The following PDE1A variants were observed in gnomAD, a reference collection of about 807,000 sequenced individuals.
PDE1A encodes the protein dual specificity calcium/calmodulin-dependent 3',5'-cyclic nucleotide phosphodiesterase 1A.
A neutral mutation model predicts 61.7 loss-of-function variants in PDE1A; 35 were observed. The ratio of observed to expected loss-of-function variants is 0.57; its 90% CI spans 0.43 to 0.75. The LOEUF is 0.75. Ranked by LOEUF, PDE1A falls within the 30% of genes least tolerant of loss-of-function variation. The pLI is 0.00. For synonymous variants in PDE1A, 232 were observed against 213.2 expected (o/e 1.09, Z -0.77); for missense variants, 597 against 630.6 (o/e 0.95, Z 0.57).
chr2:182,541,523 C>T, the PDE1A span, among the ~76,000 whole-genome samples: 1 of 152,094 alleles, frequency 6.6e-6, no homozygotes, highest in African/African-American at 2.4e-5. Flanking sequence ...AGAGGAAATA[C>T]ATGTAACATG....
chr2:182,230,944 T>C (rs925153133), intron 5 of PDE1A, 71 bp downstream of exon 5: 5 of 763,706 alleles, frequency 6.5e-6, no homozygotes, highest in Non-Finnish European at 1.1e-5. Flanking sequence ...ATTACTCAAA[T>C]GTTCTGCATT....
chr2:182,538,042 C>T, the PDE1A span, among the ~76,000 whole-genome samples: 2 of 152,158 alleles, frequency 1.3e-5, no homozygotes, highest in Admixed American at 1.3e-4. Flanking sequence ...TGATTTGGTC[C>T]AGCCACACTG....
chr2:182,156,297 G>C (rs547151483), intron 13 of PDE1A, among the ~76,000 whole-genome samples: 1 of 151,684 alleles, frequency 6.6e-6, no homozygotes, highest in African/African-American at 2.4e-5. Context: ...TGCTTACTGT[G>C]TACCAAGCAC....
intron 7 of PDE1A, among the ~76,000 whole-genome samples, chr2:182,214,538 C>G (rs1230764877): frequency 6.6e-6 from 1 of 151,782 alleles, no homozygotes; most frequent in East Asian, 1.9e-4. Context: ...TGCAGAGACA[C>G]ACATAGGCTC....
At chr2:182,187,991 C>T (rs1022891868) in intron 11 of PDE1A, among the ~76,000 whole-genome samples, 1 of 152,076 alleles carries the variant, frequency 6.6e-6, no homozygotes, top group Non-Finnish European at 1.5e-5. Context: ...GATCTACCTG[C>T]CTCGGCCTCC....
the PDE1A span, among the ~76,000 whole-genome samples, chr2:182,588,325 A>T: frequency 6.6e-6 from 1 of 152,176 alleles, no homozygotes; most frequent in Non-Finnish European, 1.5e-5. Flanking sequence ...TTTGATTTTT[A>T]GCACATTTCA....
the PDE1A span, among the ~76,000 whole-genome samples, chr2:182,570,424 G>A: frequency 6.6e-6 from 1 of 152,132 alleles, no homozygotes; most frequent in East Asian, 1.9e-4. Flanking sequence ...GAAAAAGGCA[G>A]GGAGATTATC....
At chr2:182,560,207 T>A in the PDE1A span, among the ~76,000 whole-genome samples, 1 of 144,428 alleles carries the variant, frequency 6.9e-6, no homozygotes, top group South Asian at 2.4e-4. Flanking sequence ...ATGCTATCCC[T>A]CTCCCCTCCC....
chr2:182,545,379 G>C, the PDE1A span, among the ~76,000 whole-genome samples: 1 of 152,206 alleles, frequency 6.6e-6, no homozygotes, highest in African/African-American at 2.4e-5. Context: ...CCCTGCACTT[G>C]CTGTCCTCTG....
the PDE1A span, among the ~76,000 whole-genome samples, chr2:182,616,606 C>T: frequency 1.3e-5 from 2 of 152,382 alleles, no homozygotes; most frequent in South Asian, 4.1e-4. Context: ...TCTACACCCA[C>T]TGCTGGAGCC....
At chr2:182,415,205 G>A (rs977097128) in intron 1 of PDE1A, among the ~76,000 whole-genome samples, 2 of 152,050 alleles carry the variant, frequency 1.3e-5, no homozygotes, top group Non-Finnish European at 2.9e-5. Context: ...AGGGCTTTGT[G>A]TTGTTTGCCT....
chr2:182,207,798 T>A (rs776444161), intron 7 of PDE1A, among the ~76,000 whole-genome samples: 12 of 152,194 alleles, frequency 7.9e-5, no homozygotes, highest in Non-Finnish European at 1.8e-4. Flanking sequence ...GCCAGGCCTA[T>A]GGCCTCCACT....
chr2:182,242,950 T>TGTGTGTGTGTGTGTGTG (rs1553550797), intron 2 of PDE1A, among the ~76,000 whole-genome samples: 1 of 139,552 alleles, frequency 7.2e-6, no homozygotes. Context: ...TGTGTGTGTG[T>TGTGTGTGTGTGTGTGTG]TGTGTAGCTG....
chr2:182,411,244 T>C (rs1702596779), intron 1 of PDE1A, among the ~76,000 whole-genome samples: 1 of 152,234 alleles, frequency 6.6e-6, no homozygotes, highest in South Asian at 2.1e-4. Flanking sequence ...TGTCTGTTGC[T>C]GAAACCTAAA....
At chr2:182,263,328 T>C (rs1692365594) in intron 2 of PDE1A, among the ~76,000 whole-genome samples, 1 of 152,066 alleles carries the variant, frequency 6.6e-6, no homozygotes, top group Admixed American at 6.5e-5. Context: ...CAGAGACAAC[T>C]TGCTAACACC....
the PDE1A span, among the ~76,000 whole-genome samples, chr2:182,630,054 T>C: frequency 6.6e-6 from 1 of 152,182 alleles, no homozygotes; most frequent in South Asian, 2.1e-4. Context: ...ATTTTTCTAT[T>C]GGATGATCTC....
chr2:182,494,454 C>T (rs745393429), intron 2 of PDE1A, among the ~76,000 whole-genome samples: 4 of 152,148 alleles, frequency 2.6e-5, no homozygotes, highest in Non-Finnish European at 4.4e-5. Context: ...ATACAAATGG[C>T]GAGCCCACAG....
chr2:182,425,111 A>G (rs1703528168), intron 1 of PDE1A, among the ~76,000 whole-genome samples: 1 of 152,182 alleles, frequency 6.6e-6, no homozygotes, highest in Non-Finnish European at 1.5e-5. Flanking sequence ...TCAGTGGTGA[A>G]AACCACCTGC....
At chr2:182,591,336 C>G in the PDE1A span, among the ~76,000 whole-genome samples, 1 of 152,128 alleles carries the variant, frequency 6.6e-6, no homozygotes, top group Non-Finnish European at 1.5e-5. Flanking sequence ...ACAGTTAAGT[C>G]CCAGTTATCT....
Sources: gnomAD v4.1 joint callset for allele counts (sites outside exome capture counted in the v4.1 genomes callset) on GRCh38, gnomAD v4.1.1 for gene constraint, MANE v1.5 for transcripts, NCBI Gene and HGNC (gene_info 2026-07-23, HGNC 2026-07-21) for gene names.